ST8SIA1: variants seen among roughly 807,000 people sequenced by gnomAD.
The protein encoded by ST8SIA1 is alpha-N-acetylneuraminide alpha-2,8-sialyltransferase.
Under a neutral mutation model 35.9 loss-of-function variants are expected in ST8SIA1, and 16 were observed. The ratio of observed to expected loss-of-function variants is 0.45; its 90% CI spans 0.30 to 0.68. The LOEUF (loss-of-function observed/expected upper bound fraction) is 0.68, where lower values mean the gene tolerates loss of function less well. ST8SIA1 is among the 30% of genes least tolerant of loss of function. The pLI, the probability that ST8SIA1 is intolerant of heterozygous loss-of-function variation, is 0.09. For missense variants in ST8SIA1, 383 were observed against 453.6 expected, an observed-to-expected ratio of 0.84 and a Z score of 1.41; for synonymous variants, 170 against 169.6, an observed-to-expected ratio of 1.00 and a Z score of -0.02.
chr12:22,221,590 ATTCT>A (rs546931705), intron 4 of ST8SIA1, among the ~76,000 whole-genome samples: 4 of 152,210 alleles, frequency 2.6e-5, no homozygotes, highest in Non-Finnish European at 5.9e-5. Flanking sequence ...TTCACCTCCA[ATTCT>A]TTAAATCATG....
At chr12:22,259,191 T>A (rs1865759618) in intron 2 of ST8SIA1, among the ~76,000 whole-genome samples, 1 of 152,160 alleles carries the variant, frequency 6.6e-6, no homozygotes, top group Admixed American at 6.5e-5. Context: ...ACACACTACC[T>A]TAACAATTAG....
At chr12:22,327,450 G>A (rs1261897303) in intron 1 of ST8SIA1, among the ~76,000 whole-genome samples, 2 of 151,152 alleles carry the variant, frequency 1.3e-5, no homozygotes, top group African/African-American at 2.4e-5. Flanking sequence ...TACCAGGGGG[G>A]CAAGCCACTC....
intron 4 of ST8SIA1, among the ~76,000 whole-genome samples, chr12:22,203,185 A>AG (rs1408245637): frequency 6.6e-6 from 1 of 151,414 alleles, no homozygotes; most frequent in African/African-American, 2.4e-5. Flanking sequence ...CACTCAAGTT[A>AG]AAAAAAAGAG....
intron 2 of ST8SIA1, among the ~76,000 whole-genome samples, chr12:22,266,563 G>A (rs1865851121): frequency 6.6e-6 from 1 of 151,658 alleles, no homozygotes. Flanking sequence ...ACTTCAGAAG[G>A]CTATGGCAGG....
intron 1 of ST8SIA1, chr12:22,325,709 C>A (rs1866667072): frequency 3.3e-6 from 2 of 613,752 alleles, no homozygotes; most frequent in South Asian, 4.2e-5. Context: ...TACATACATG[C>A]CTATGATAAA....
At chr12:22,213,849 G>T (rs1285950629) in intron 4 of ST8SIA1, among the ~76,000 whole-genome samples, 1 of 152,048 alleles carries the variant, frequency 6.6e-6, no homozygotes, top group South Asian at 2.1e-4. Flanking sequence ...GTGGAGGGCT[G>T]ATCTTTAGCT....
At position 22,274,444 on chromosome 12, in the gene ST8SIA1, G is replaced by A. The variant is rs150863644; in HGVS notation, c.381+12705C>T. Among the ~76,000 whole-genome samples, 532 of 152,278 alleles carry A rather than the reference G, an allele frequency of 3.5e-3. 3 individuals carry two copies. The highest frequency in any genetic ancestry group is 0.012 in the African/African-American group (497 of 41,548). On this transcript the variant is annotated intron_variant, in intron 2 of 4. Transcript: ENST00000396037. Reference sequence around the variant, plus strand: ...CAATGAGAGAAAATAAGAAGTGGATGTGAGAAAAAGAAATTATCTTCACAA... The same window carrying A: ...CAATGAGAGAAAATAAGAAGTGGATATGAGAAAAAGAAATTATCTTCACAA...
chr12:22,318,849 T>C (rs1866550069), intron 1 of ST8SIA1, among the ~76,000 whole-genome samples: 1 of 152,218 alleles, frequency 6.6e-6, no homozygotes, highest in Non-Finnish European at 1.5e-5. Flanking sequence ...CAAATGTGGA[T>C]CTTACCACAA....
In ST8SIA1 at chr12:22,334,366, G is replaced by C. The variant is rs1320219486; in HGVS notation, c.-134C>G. ...TTCTCTTACTTGCAAACGCACGCACGCTTCTTCGGCCCCGTCGGCCCCAAA... is the reference window on the plus strand; with the variant it reads ...TTCTCTTACTTGCAAACGCACGCACCCTTCTTCGGCCCCGTCGGCCCCAAA... On this transcript the variant is annotated 5_prime_UTR_variant, in exon 1 of 5. Transcript: ENST00000396037. 6.1e-6 allele frequency: 4 copies of C among 660,226 alleles called. No homozygotes were observed. The highest frequency in any genetic ancestry group is 7.7e-6 in the Non-Finnish European group (3 of 390,232). The allele number at this position is 660,226 out of a possible 1,614,324, so 40.9% of individuals were successfully genotyped here. A position where few individuals can be genotyped will look rare whatever the true frequency, so the allele number is the denominator to read the frequency against.
chr12:22,298,636 C>T (rs1447668925), intron 1 of ST8SIA1, among the ~76,000 whole-genome samples: 2 of 152,206 alleles, frequency 1.3e-5, no homozygotes, highest in African/African-American at 2.4e-5. Flanking sequence ...TCTTTTTAAA[C>T]ATCAGCCCTA....
intron 4 of ST8SIA1, 90 bp from the exon 5 acceptor site, chr12:22,202,128 C>T: frequency 2.6e-6 from 3 of 1,157,256 alleles, no homozygotes; most frequent in Non-Finnish European, 3.6e-6. Flanking sequence ...GGCCCTGATA[C>T]CTCAAATCAT....
At chr12:22,250,774 C>T (rs1178545360) in intron 3 of ST8SIA1, 1 of 152,196 alleles carries the variant, frequency 6.6e-6, no homozygotes, top group Non-Finnish European at 1.5e-5. Flanking sequence ...AGAAACTTGT[C>T]TCAGTTGATT....
Position 22,307,679 on chromosome 12 carries a change from A to C in ST8SIA1, c.237-20386T>G, listed in dbSNP as rs112095633. Among the ~76,000 whole-genome samples, 1,241 of 152,298 alleles carry C rather than the reference A, an allele frequency of 8.1e-3. 13 individuals are homozygous for C. The highest frequency in any genetic ancestry group is 0.028 in the African/African-American group (1,183 of 41,548). Reference sequence around the variant, plus strand: ...AAGTTGTAGATTTCTGTACTCTCCTAATCAGATATCACTAGGCCATCTGTT... The same window carrying C: ...AAGTTGTAGATTTCTGTACTCTCCTCATCAGATATCACTAGGCCATCTGTT... On this transcript the variant is annotated intron_variant, in intron 1 of 4. Coordinates refer to ENST00000396037, the MANE Select transcript of ST8SIA1 (RefSeq NM_003034.4).
In ST8SIA1 at chr12:22,253,640, A is replaced by G. The variant is rs754876215; in HGVS notation, c.491+1640T>C. Among the ~76,000 whole-genome samples, 5 of 152,188 alleles carry G rather than the reference A, an allele frequency of 3.3e-5. 1 individual carries two copies. The highest frequency in any genetic ancestry group is 1.5e-5 in the Non-Finnish European group (1 of 68,032). ...CATTCCCAGAGCCAGCTCAAGGCCCATATGTCATGGGTGCTCAATGAGCAG... is the reference window on the plus strand; with the variant it reads ...CATTCCCAGAGCCAGCTCAAGGCCCGTATGTCATGGGTGCTCAATGAGCAG... On this transcript the variant is annotated intron_variant, in intron 3 of 4. Transcript: ENST00000396037.
At chr12:22,307,026 T>C (rs1866393145) in intron 1 of ST8SIA1, among the ~76,000 whole-genome samples, 1 of 152,186 alleles carries the variant, frequency 6.6e-6, no homozygotes, top group Admixed American at 6.5e-5. Flanking sequence ...TATATTTTCT[T>C]TGGAAGGATC....
chr12:22,220,446 T>G (rs1426173776), intron 4 of ST8SIA1, among the ~76,000 whole-genome samples: 1 of 152,142 alleles, frequency 6.6e-6, no homozygotes, highest in Non-Finnish European at 1.5e-5. Flanking sequence ...ATTCTACCAT[T>G]CAGAGTTGAC....
At chr12:22,325,191 T>C (rs1866659035) in intron 1 of ST8SIA1, 3 of 415,430 alleles carry the variant, frequency 7.2e-6, no homozygotes, top group Middle Eastern at 6.1e-4. Context: ...TAAATGAACA[T>C]GGGGGACATA....
At chr12:22,332,272 C>G (rs1351008754) in intron 1 of ST8SIA1, among the ~76,000 whole-genome samples, 1 of 152,162 alleles carries the variant, frequency 6.6e-6, no homozygotes, top group Non-Finnish European at 1.5e-5. Flanking sequence ...AAAATTACTC[C>G]AGGCTACAGA....
Position 22,201,303 on chromosome 12 carries a change from G to A in ST8SIA1, c.*249C>T, listed in dbSNP as rs1865045874. Reference sequence around the variant, plus strand: ...ATTTGAACCATGTGCTTTACCAACAGCATTTCACCAGCATTTTACTAGTTG... The same window carrying A: ...ATTTGAACCATGTGCTTTACCAACAACATTTCACCAGCATTTTACTAGTTG... On this transcript the variant is annotated 3_prime_UTR_variant, in exon 5 of 5. Coordinates refer to ENST00000396037, the MANE Select transcript of ST8SIA1 (RefSeq NM_003034.4). 5 of 422,890 alleles carry A rather than the reference G, an allele frequency of 1.2e-5. No homozygotes were observed. Among genetic ancestry groups the A allele is most frequent in the Non-Finnish European group, 2.1e-5 (5 of 242,296 alleles). The allele number at this position is 422,890 out of a possible 1,614,324, so 26.2% of individuals were successfully genotyped here.
Sources: gnomAD v4.1 joint callset for allele counts (sites outside exome capture counted in the v4.1 genomes callset) on GRCh38, gnomAD v4.1.1 for gene constraint, MANE v1.5 for transcripts, NCBI Gene and HGNC (gene_info 2026-07-23, HGNC 2026-07-21) for gene names.